MAP3K4: variants seen among roughly 807,000 people sequenced by gnomAD.
The protein encoded by MAP3K4 is MAP three kinase 1.
Under a neutral mutation model 185.6 loss-of-function variants are expected in MAP3K4, and 67 were observed. That is an observed-to-expected ratio of 0.36 (90% CI 0.30 to 0.44). The LOEUF (loss-of-function observed/expected upper bound fraction) is 0.44. Among genes scored for constraint, MAP3K4 ranks in the 20% least tolerant of loss-of-function variants. MAP3K4 has a pLI of 1.00. For synonymous variants in MAP3K4, 702 were observed against 710.4 expected (o/e 0.99, Z 0.19); for missense variants, 1,551 against 1,995.1 (o/e 0.78, Z 4.24).
intron 1 of MAP3K4, among the ~76,000 whole-genome samples, chr6:161,005,879 C>T (rs1583097063): frequency 7.6e-6 from 1 of 132,192 alleles, no homozygotes; most frequent in Non-Finnish European, 1.7e-5. Context: ...CCTCTGCCTC[C>T]GAGGTTCAAG....
chr6:161,091,455 A>T lies in MAP3K4; in HGVS notation c.3050A>T (p.Asp1017Val), dbSNP rs1777305823. The T allele has an allele frequency of 6.2e-7, 1 of 1,614,008 alleles. No homozygotes were observed. The highest frequency in any genetic ancestry group is 1.3e-5 in the African/African-American group (1 of 74,934). ...GACCACATGTTCACATCAGAATTTGATGCTGAGGTTGATGAATCTGAATCT... is the reference window on the plus strand; with the variant it reads ...GACCACATGTTCACATCAGAATTTGTTGCTGAGGTTGATGAATCTGAATCT... ...RVDHMFTSEF[D>V]AEVDESESVT... The change falls in exon 12 of 27, where the codon GAT becomes GTT. Residue 1017 changes from aspartate (D) to valine (V), a missense_variant. Coordinates refer to ENST00000392142, the MANE Select transcript of MAP3K4 (RefSeq NM_005922.4). The surrounding 1 kb of genome is among the most constrained non-coding windows in gnomAD (Gnocchi z 5.5).
At chr6:161,027,737 C>T (rs1291792821) in intron 1 of MAP3K4, among the ~76,000 whole-genome samples, 1 of 152,180 alleles carries the variant, frequency 6.6e-6, no homozygotes, top group East Asian at 1.9e-4. Flanking sequence ...GTATGTGTGG[C>T]AGTTACATAT....
intron 2 of MAP3K4, among the ~76,000 whole-genome samples, chr6:161,042,004 C>T (rs1187114566): frequency 1.3e-5 from 2 of 149,214 alleles, no homozygotes; most frequent in East Asian, 2.0e-4. Context: ...GTGATCCTCC[C>T]GCCTCAGCTT....
At chr6:161,094,062 G>T (rs377214540) in intron 15 of MAP3K4, among the ~76,000 whole-genome samples, 1 of 152,162 alleles carries the variant, frequency 6.6e-6, no homozygotes, top group Admixed American at 6.5e-5. Flanking sequence ...TCAGCCATAC[G>T]CTATTCCATA....
At chr6:161,038,812 A>G (rs1783302975) in intron 2 of MAP3K4, among the ~76,000 whole-genome samples, 1 of 152,050 alleles carries the variant, frequency 6.6e-6, no homozygotes, top group Admixed American at 6.5e-5. Context: ...TTGTCTGCAT[A>G]GTGTCTGCTG....
rs982459177 is a variant in MAP3K4 at position 161,073,838 on chromosome 6, A to G, written c.2097+226A>G. Among the ~76,000 whole-genome samples, 10 of 152,210 alleles carry G rather than the reference A, an allele frequency of 6.6e-5. No homozygotes were observed. The highest frequency in any genetic ancestry group is 2.4e-4 in the African/African-American group (10 of 41,450). On this transcript the variant is annotated intron_variant, in intron 5 of 26. Transcript: ENST00000392142. This position sits in a 1 kb window ranked among gnomAD's most constrained non-coding sequence, Gnocchi z 4.2. ...GAGTCTTTCCATCTGGTATTAGATTACATTTGTTTCTCTGAAATCCACATT... is the reference window on the plus strand; with the variant it reads ...GAGTCTTTCCATCTGGTATTAGATTGCATTTGTTTCTCTGAAATCCACATT...
intron 3 of MAP3K4, among the ~76,000 whole-genome samples, chr6:161,069,227 A>C (rs3757021): frequency 0.72 from 108,884 of 151,976 alleles, 39,335 homozygotes; most frequent in Admixed American, 0.78. Context: ...ATTTTTGGAC[A>C]TTGGTTGTTT....
chr6:161,113,722 C>T (rs904927628), intron 25 of MAP3K4, among the ~76,000 whole-genome samples: 1 of 149,980 alleles, frequency 6.7e-6, no homozygotes, highest in Admixed American at 6.6e-5. Flanking sequence ...GAAAAGATGA[C>T]AGCCTCATTA....
At position 161,048,937 on chromosome 6, in the gene MAP3K4, G is replaced by T; in HGVS notation, c.665G>T (p.Arg222Leu). The change falls in exon 3 of 27, where the codon CGT becomes CTT. Residue 222 changes from arginine to leucine, a missense_variant. Around this residue, in one of 16 missense-constraint regions of MAP3K4, gnomAD observed 69 missense variants for 124.8 expected, o/e 0.55. Coordinates refer to ENST00000392142, the MANE Select transcript of MAP3K4 (RefSeq NM_005922.4). The surrounding 1 kb of genome is among the most constrained non-coding windows in gnomAD (Gnocchi z 4.7). ...QTSRTDCPAD[R>L]LKFFETLRLL... ...TCTAGGACTGACTGTCCAGCAGATC[G>T]TTTAAAGTTTTTTGAAACTTTACGA... 1 of 1,613,956 alleles carries T rather than the reference G, an allele frequency of 6.2e-7. No individual in the cohort carries two copies. The highest frequency in any genetic ancestry group is 8.5e-7 in the Non-Finnish European group (1 of 1,179,936).
At chr6:161,055,826 C>A (rs924632104) in intron 3 of MAP3K4, among the ~76,000 whole-genome samples, 12 of 152,142 alleles carry the variant, frequency 7.9e-5, no homozygotes, top group Admixed American at 2.0e-4. Flanking sequence ...CCAGGAGTTA[C>A]TATTTTTTCC....
At chr6:161,089,537 G>A (rs1785921971) in intron 11 of MAP3K4, 66 bp downstream of exon 11, 2 of 1,546,670 alleles carry the variant, frequency 1.3e-6, no homozygotes, top group Admixed American at 1.9e-5. Context: ...GTGTGGTAAT[G>A]TGTGTAAGGT....
At chr6:160,995,536 A>G (rs970478363) in intron 1 of MAP3K4, among the ~76,000 whole-genome samples, 4 of 152,196 alleles carry the variant, frequency 2.6e-5, no homozygotes, top group African/African-American at 9.7e-5. Context: ...TTATGCAGTG[A>G]CCCAGCAACA....
intron 1 of MAP3K4, among the ~76,000 whole-genome samples, chr6:161,005,975 A>G (rs929661338): frequency 6.6e-6 from 1 of 152,132 alleles, no homozygotes; most frequent in African/African-American, 2.4e-5. Context: ...TTTAATAGAA[A>G]CGGGGTTTTG....
chr6:160,992,200 C>T (rs1003573428), intron 1 of MAP3K4, 117 bp downstream of exon 1: 5 of 1,343,774 alleles, frequency 3.7e-6, no homozygotes, highest in South Asian at 1.6e-5. Context: ...CATCCAGTCT[C>T]TGCAGGCTGG....
At chr6:160,992,355 C>G (rs1400590192) in intron 1 of MAP3K4, 1 of 491,086 alleles carries the variant, frequency 2.0e-6, no homozygotes, top group South Asian at 3.2e-5. Flanking sequence ...CCAGCTCACC[C>G]TCAACGTTGC....
chr6:161,059,046 A>G (rs1390094805), intron 3 of MAP3K4, among the ~76,000 whole-genome samples: 1 of 152,178 alleles, frequency 6.6e-6, no homozygotes, highest in Non-Finnish European at 1.5e-5. Context: ...CAAAAAGACT[A>G]TACTAATTTA....
chr6:161,060,331 G>A (rs2114789482), intron 3 of MAP3K4, among the ~76,000 whole-genome samples: 1 of 152,182 alleles, frequency 6.6e-6, no homozygotes, highest in African/African-American at 2.4e-5. Context: ...TTAAAATAAT[G>A]ATGTGGTTTA....
rs1399606535 is a variant in MAP3K4 at position 161,107,875 on chromosome 6, G to A, written c.4049-24G>A. 3 of 1,597,972 alleles carry A rather than the reference G, an allele frequency of 1.9e-6. No individual in the cohort carries two copies. Among genetic ancestry groups the A allele is most frequent in the Non-Finnish European group, 2.6e-6 (3 of 1,165,686 alleles). ...ACAGCCCCCTGCAGTGGCTGGAAGT[G>A]CAGCTTGTTTGCATTGTTCACAGGA... is the stretch of plus-strand genomic sequence containing the variant. On this transcript the variant is annotated intron_variant, in intron 20 of 26. Coordinates refer to ENST00000392142, the MANE Select transcript of MAP3K4 (RefSeq NM_005922.4). This position sits in a 1 kb window ranked among gnomAD's most constrained non-coding sequence, Gnocchi z 6.2.
rs2114821055 is a variant in MAP3K4 at position 161,073,277 on chromosome 6, G to T, written c.1951-189G>T. The T allele has an allele frequency of 4.6e-6, 2 of 433,396 alleles. No individual in the cohort carries two copies. Among genetic ancestry groups the T allele is most frequent in the East Asian group, 3.6e-5 (1 of 28,062 alleles). The allele number at this position is 433,396 out of a possible 1,614,324, so 26.8% of individuals were successfully genotyped here. A position where few individuals can be genotyped will look rare whatever the true frequency, so the allele number is the denominator to read the frequency against. ...TAAATTCTTTTATTTTCACTGTTTT[G>T]TTGCTTCTCAATTGAGACTACTAAG... On this transcript the variant is annotated intron_variant, in intron 4 of 26. Transcript: ENST00000392142. This position sits in a 1 kb window ranked among gnomAD's most constrained non-coding sequence, Gnocchi z 4.2.
Sources: gnomAD v4.1 joint callset for allele counts (sites outside exome capture counted in the v4.1 genomes callset) on GRCh38, gnomAD v4.1.1 for gene constraint, gnomAD v4.1.1 regional missense constraint, Gnocchi (gnomAD v3.1) non-coding constraint, MANE v1.5 for transcripts, NCBI Gene and HGNC (gene_info 2026-07-23, HGNC 2026-07-21) for gene names.